CNTN5: variants seen among roughly 807,000 people sequenced by gnomAD.
The protein encoded by CNTN5 is contactin-5.
In CNTN5, 77 loss-of-function variants were observed where a neutral mutation model predicts 129.1. The ratio of observed to expected loss-of-function variants is 0.60; its 90% CI spans 0.50 to 0.72. CNTN5 has a LOEUF of 0.72. Among genes scored for constraint, CNTN5 ranks in the 30% least tolerant of loss-of-function variants. CNTN5 has a pLI of 0.00. For missense variants in CNTN5, 1,478 were observed against 1,328.8 expected (o/e 1.11, Z -1.75); for synonymous variants, 509 against 465.6 (o/e 1.09, Z -1.20).
At chr11:99,417,106 A>T (rs1354010426) in intron 2 of CNTN5, among the ~76,000 whole-genome samples, 1 of 152,204 alleles carries the variant, frequency 6.6e-6, no homozygotes, top group East Asian at 1.9e-4. Context: ...TATTTTTTAA[A>T]ATTAATTTTT....
At chr11:99,857,729 AC>A (rs1212327772) in intron 6 of CNTN5, among the ~76,000 whole-genome samples, 1 of 152,146 alleles carries the variant, frequency 6.6e-6, no homozygotes, top group Non-Finnish European at 1.5e-5. Context: ...TAGGAAAGTT[AC>A]CTTTTTAAAA....
intron 3 of CNTN5, among the ~76,000 whole-genome samples, chr11:99,715,312 A>T (rs1591522066): frequency 6.6e-6 from 1 of 151,728 alleles, no homozygotes; most frequent in African/African-American, 2.4e-5. Flanking sequence ...CAGCAGCAGA[A>T]CTCCTCTAAA....
At chr11:100,298,300 T>C (rs1371192623) in intron 19 of CNTN5, among the ~76,000 whole-genome samples, 2 of 151,402 alleles carry the variant, frequency 1.3e-5, no homozygotes, top group African/African-American at 2.4e-5. Flanking sequence ...ATTTTTTTTG[T>C]CCATTCCCCC....
intron 13 of CNTN5, among the ~76,000 whole-genome samples, chr11:100,160,433 C>T (rs889686548): frequency 1.3e-5 from 2 of 151,852 alleles, no homozygotes; most frequent in Admixed American, 6.6e-5. Context: ...TGGGTATATA[C>T]CCAGTAATGG....
chr11:100,211,455 G>GATC (rs1241448031), intron 15 of CNTN5, among the ~76,000 whole-genome samples: 1 of 151,292 alleles, frequency 6.6e-6, no homozygotes, highest in Admixed American at 6.6e-5. Context: ...CACAGTGCTA[G>GATC]ATCAGTCTGA....
At chr11:99,743,629 C>G (rs963677054) in intron 3 of CNTN5, among the ~76,000 whole-genome samples, 1 of 152,134 alleles carries the variant, frequency 6.6e-6, no homozygotes, top group Non-Finnish European at 1.5e-5. Flanking sequence ...AATAGACTCT[C>G]TGTAACTGTG....
intron 3 of CNTN5, among the ~76,000 whole-genome samples, chr11:99,618,586 T>C (rs985263066): frequency 2.0e-5 from 3 of 152,198 alleles, no homozygotes; most frequent in Non-Finnish European, 4.4e-5. Flanking sequence ...CAATAGATGT[T>C]GCCATTATTC....
chr11:99,683,961 A>G lies in CNTN5; in HGVS notation c.55+127692A>G, dbSNP rs148990612. On this transcript the variant is annotated intron_variant, in intron 3 of 24. Transcript: ENST00000524871. Reference sequence around the variant, plus strand: ...CTATTTTTTTGGTGACGGAAACAATACTTAAATTGTACTCTTCTAGCAAAT... The same window carrying G: ...CTATTTTTTTGGTGACGGAAACAATGCTTAAATTGTACTCTTCTAGCAAAT... Among the ~76,000 whole-genome samples, 378 of 151,964 alleles carry G rather than the reference A, an allele frequency of 2.5e-3. 8 individuals are homozygous for G. The highest frequency in any genetic ancestry group is 8.6e-3 in the African/African-American group (358 of 41,494).
intron 9 of CNTN5, among the ~76,000 whole-genome samples, chr11:100,038,056 T>G (rs1425786167): frequency 6.6e-6 from 1 of 151,556 alleles, no homozygotes; most frequent in East Asian, 1.9e-4. Context: ...TTAATTGTGA[T>G]GTTAGGGTGT....
At chr11:100,242,027 T>C (rs1949752191) in intron 16 of CNTN5, among the ~76,000 whole-genome samples, 1 of 152,222 alleles carries the variant, frequency 6.6e-6, no homozygotes, top group Non-Finnish European at 1.5e-5. Context: ...ACTTCTCTCA[T>C]ATGCTATCCA....
intron 1 of CNTN5, among the ~76,000 whole-genome samples, chr11:99,183,569 T>G (rs1227848136): frequency 6.6e-6 from 1 of 152,114 alleles, no homozygotes; most frequent in Non-Finnish European, 1.5e-5. Flanking sequence ...CTCTTATGTC[T>G]GGGTATTTCT....
chr11:99,934,859 A>G (rs1202947814), intron 7 of CNTN5, among the ~76,000 whole-genome samples: 1 of 139,772 alleles, frequency 7.2e-6, no homozygotes, highest in Non-Finnish European at 1.5e-5. Context: ...TGGGCAACAG[A>G]GTGAGACTCA....
chr11:100,094,372 C>T (rs768482130), intron 13 of CNTN5, among the ~76,000 whole-genome samples: 1 of 152,114 alleles, frequency 6.6e-6, no homozygotes, highest in South Asian at 2.1e-4. Flanking sequence ...TAATCCAGTC[C>T]GTCTGCCTCT....
chr11:100,160,739 C>T (rs80252574), intron 13 of CNTN5, among the ~76,000 whole-genome samples: 1,528 of 152,022 alleles, frequency 0.01, 10 homozygotes, highest in Non-Finnish European at 0.018. Flanking sequence ...TGACAACTAA[C>T]ATGCACCGTA....
intron 2 of CNTN5, among the ~76,000 whole-genome samples, chr11:99,338,958 T>C (rs4754601): frequency 3.2e-5 from 4 of 123,198 alleles, no homozygotes; most frequent in African/African-American, 1.1e-4. Flanking sequence ...CTGTGATATA[T>C]ATGTGTGTGT....
At chr11:99,574,706 T>G (rs945867868) in intron 3 of CNTN5, among the ~76,000 whole-genome samples, 1 of 152,196 alleles carries the variant, frequency 6.6e-6, no homozygotes, top group Non-Finnish European at 1.5e-5. Context: ...ATAAATGCCT[T>G]TCTTTTGAGA....
rs191292576 is a variant in CNTN5, at chr11:99,345,673, T to A, written c.-71+20189T>A. On this transcript the variant is annotated intron_variant, in intron 2 of 24. Coordinates refer to ENST00000524871, the MANE Select transcript of CNTN5 (RefSeq NM_014361.4). ...CCTGTGTTTTCCATCTGAGAAGATA[T>A]GTTAAGAATGATATGCTTGGAAAAG... is the stretch of plus-strand genomic sequence containing the variant. Among the ~76,000 whole-genome samples the A allele has an allele frequency of 1.1e-4, 17 of 152,346 alleles. No homozygotes were observed. In the East Asian group the frequency reaches 2.1e-3, roughly 19 times the overall value.
At chr11:99,720,606 CCT>C (rs545908889) in intron 3 of CNTN5, among the ~76,000 whole-genome samples, 1 of 151,960 alleles carries the variant, frequency 6.6e-6, no homozygotes, top group Non-Finnish European at 1.5e-5. Flanking sequence ...ACAAGGATGC[CCT>C]CTCTTACCAC....
At chr11:100,079,041 G>A (rs1944258075) in intron 13 of CNTN5, among the ~76,000 whole-genome samples, 2 of 152,104 alleles carry the variant, frequency 1.3e-5, no homozygotes, top group African/African-American at 4.8e-5. Context: ...GCCAAGGAAA[G>A]GGGGAAGAGT....
Sources: gnomAD v4.1 joint callset for allele counts (sites outside exome capture counted in the v4.1 genomes callset) on GRCh38, gnomAD v4.1.1 for gene constraint, MANE v1.5 for transcripts, NCBI Gene and HGNC (gene_info 2026-07-23, HGNC 2026-07-21) for gene names.